Variants in NELL1 observed in about 807,000 individuals in gnomAD.
NELL1 encodes the protein neural EGFL like 1, also known as protein kinase C-binding protein NELL1.
In NELL1, 76 loss-of-function variants were observed where a neutral mutation model predicts 107.4. The observed-to-expected ratio is 0.71, with a 90% confidence interval of 0.59 to 0.86. The LOEUF is 0.86. Ranked by LOEUF, NELL1 falls within the 40% of genes least tolerant of loss-of-function variation. The probability of loss-of-function intolerance (pLI) is 0.00; values close to 1 mark genes in which losing one functional copy is unlikely to be tolerated. For synonymous variants in NELL1, 353 were observed against 341.2 expected, an observed-to-expected ratio of 1.03 and a Z score of -0.38; for missense variants, 1,024 against 1,005.5, an observed-to-expected ratio of 1.02 and a Z score of -0.25.
rs376506118 is a variant in NELL1, at chr11:21,222,749, A to G, written c.1427-6583A>G. On this transcript the variant is annotated intron_variant, in intron 13 of 19. Coordinates refer to ENST00000357134, the MANE Select transcript of NELL1 (RefSeq NM_006157.5). ...TGTGTTTCTGTTTTCCTTTGTTTCAAGAATTTTTATGATTTCCATCTTAAT... is the reference window on the plus strand; with the variant it reads ...TGTGTTTCTGTTTTCCTTTGTTTCAGGAATTTTTATGATTTCCATCTTAAT... 7.2e-5 allele frequency among the ~76,000 whole-genome samples: 11 copies of G among 152,220 alleles called. No individual in the cohort carries two copies. The East Asian group carries it at 1.9e-3, about 27-fold the overall frequency.
At chr11:21,374,664 C>T (rs1341746523) in intron 15 of NELL1, among the ~76,000 whole-genome samples, 1 of 152,046 alleles carries the variant, frequency 6.6e-6, no homozygotes, top group East Asian at 1.9e-4. Flanking sequence ...ACACTGTGAA[C>T]CCTGTTACTT....
chr11:21,228,604 C>G (rs1857954282), intron 13 of NELL1, among the ~76,000 whole-genome samples: 1 of 151,992 alleles, frequency 6.6e-6, no homozygotes, highest in Admixed American at 6.6e-5. Flanking sequence ...ATTCACCAGC[C>G]TTTCTCTGCA....
chr11:21,006,832 G>C (rs1852338006), intron 12 of NELL1, among the ~76,000 whole-genome samples: 1 of 152,088 alleles, frequency 6.6e-6, no homozygotes, highest in Admixed American at 6.6e-5. Flanking sequence ...CAACCCCACA[G>C]GGAAGCGGGC....
intron 14 of NELL1, among the ~76,000 whole-genome samples, chr11:21,355,001 G>C (rs1186493040): frequency 6.6e-6 from 1 of 152,116 alleles, no homozygotes; most frequent in African/African-American, 2.4e-5. Flanking sequence ...ATTTCCTAGT[G>C]CTCCTGTAAA....
chr11:21,201,486 G>T (rs964100959), intron 13 of NELL1, among the ~76,000 whole-genome samples: 1 of 152,184 alleles, frequency 6.6e-6, no homozygotes, highest in Non-Finnish European at 1.5e-5. Context: ...TATATTCTGA[G>T]ACTTTGCAGA....
intron 15 of NELL1, among the ~76,000 whole-genome samples, chr11:21,404,844 G>A (rs571313569): frequency 2.7e-4 from 41 of 151,968 alleles, no homozygotes; most frequent in African/African-American, 9.7e-4. Context: ...AGCCCTGGGG[G>A]CTTTCCTCAG....
At chr11:21,510,621 A>G (rs11606073) in intron 15 of NELL1, among the ~76,000 whole-genome samples, 23,267 of 152,180 alleles carry the variant, frequency 0.15, 1,872 homozygotes, top group Non-Finnish European at 0.17. Context: ...TTGCACTGTG[A>G]TATGAATTCC....
At chr11:21,047,807 C>CATTT (rs1432219113) in intron 12 of NELL1, among the ~76,000 whole-genome samples, 5 of 152,108 alleles carry the variant, frequency 3.3e-5, no homozygotes, top group Non-Finnish European at 1.5e-5. Flanking sequence ...TGGTTTGTTT[C>CATTT]GTGAACCAGC....
chr11:20,778,498 CTTTTTTTT>C (rs1161737750), intron 2 of NELL1, among the ~76,000 whole-genome samples: 17 of 73,034 alleles, frequency 2.3e-4, no homozygotes, highest in African/African-American at 8.5e-4. Flanking sequence ...TCACCCAGCA[CTTTTTTTT>C]TTTTTTTTTT....
Position 21,436,243 on chromosome 11 carries a change from TG to T in NELL1, c.1645+65299del, listed in dbSNP as rs568076045. The stretch of plus-strand genomic sequence containing the variant: ...CTAATTTTTGTATTTTTGGTAGAGA[TG>T]GGGTTTCACCATGTTGGTCAGGATG... On this transcript the variant is annotated intron_variant, in intron 15 of 19. Coordinates refer to ENST00000357134, the MANE Select transcript of NELL1 (RefSeq NM_006157.5). 4.6e-4 allele frequency among the ~76,000 whole-genome samples: 70 copies of T among 152,170 alleles called. 1 individual carries two copies. In the South Asian group the frequency reaches 0.014, roughly 31 times the overall value.
chr11:20,770,941 C>T (rs532388729), intron 2 of NELL1: 3 of 151,420 alleles, frequency 2.0e-5, no homozygotes, highest in African/African-American at 7.3e-5. Flanking sequence ...CACATTGTAG[C>T]CAGATCTGCA....
intron 9 of NELL1, among the ~76,000 whole-genome samples, chr11:20,932,028 C>T (rs151222083): frequency 1.1e-3 from 169 of 152,094 alleles, no homozygotes; most frequent in African/African-American, 4.0e-3. Flanking sequence ...CAGATGAGGG[C>T]GTCTGTTTGG....
chr11:21,328,611 C>G (rs185653306), intron 14 of NELL1, among the ~76,000 whole-genome samples: 5 of 152,162 alleles, frequency 3.3e-5, no homozygotes, highest in African/African-American at 1.2e-4. Context: ...GTATATCCAC[C>G]AACAGCTTGC....
At chr11:20,814,622 C>T (rs867246644) in intron 3 of NELL1, among the ~76,000 whole-genome samples, 1 of 152,158 alleles carries the variant, frequency 6.6e-6, no homozygotes, top group East Asian at 1.9e-4. Flanking sequence ...CTATAAAGGA[C>T]GTAATTTCAT....
At chr11:21,203,310 T>C (rs1857312072) in intron 13 of NELL1, among the ~76,000 whole-genome samples, 1 of 152,204 alleles carries the variant, frequency 6.6e-6, no homozygotes, top group African/African-American at 2.4e-5. Context: ...TGCTCCTGTA[T>C]TGAGTGCATA....
At chr11:21,021,651 T>C (rs970027155) in intron 12 of NELL1, among the ~76,000 whole-genome samples, 1 of 152,112 alleles carries the variant, frequency 6.6e-6, no homozygotes, top group Non-Finnish European at 1.5e-5. Flanking sequence ...GGCCTCTTGT[T>C]TTCTTGCATA....
At chr11:21,064,464 G>T (rs1363716748) in intron 12 of NELL1, among the ~76,000 whole-genome samples, 1 of 152,148 alleles carries the variant, frequency 6.6e-6, no homozygotes, top group Non-Finnish European at 1.5e-5. Flanking sequence ...AGCTAGAGCC[G>T]ATAGGATTTC....
chr11:21,240,021 C>T (rs763938318), intron 14 of NELL1, among the ~76,000 whole-genome samples: 2 of 152,056 alleles, frequency 1.3e-5, no homozygotes, highest in Non-Finnish European at 2.9e-5. Flanking sequence ...AACCAATCTT[C>T]ATCATGCTTG....
chr11:21,513,678 C>T (rs759207052), intron 15 of NELL1, among the ~76,000 whole-genome samples: 17 of 152,096 alleles, frequency 1.1e-4, no homozygotes, highest in Non-Finnish European at 1.9e-4. Context: ...AAGTATTGAG[C>T]ATGGACTCTG....
Sources: gnomAD v4.1 joint callset for allele counts (sites outside exome capture counted in the v4.1 genomes callset) on GRCh38, gnomAD v4.1.1 for gene constraint, MANE v1.5 for transcripts, NCBI Gene and HGNC (gene_info 2026-07-23, HGNC 2026-07-21) for gene names.